Variants in EGFLAM observed in about 807,000 individuals in gnomAD.
EGFLAM encodes the protein EGF like, fibronectin type III and laminin G domains, also known as pikachurin.
In EGFLAM, 79 loss-of-function variants were observed where a neutral mutation model predicts 113.1. The observed-to-expected ratio is 0.70, with a 90% CI of 0.58 to 0.84. The LOEUF is 0.84. Among genes scored for constraint, EGFLAM ranks in the 40% least tolerant of loss-of-function variants. The pLI, the probability that EGFLAM is intolerant of heterozygous loss-of-function variation, is 0.00. For missense variants in EGFLAM, 1,265 were observed against 1,291.6 expected (o/e 0.98, Z 0.32); for synonymous variants, 504 against 487.6 (o/e 1.03, Z -0.44).
intron 6 of EGFLAM, among the ~76,000 whole-genome samples, chr5:38,396,672 C>T (rs963302927): frequency 4.6e-5 from 7 of 152,338 alleles, no homozygotes; most frequent in Middle Eastern, 3.4e-3. Context: ...ACCTCCAGTC[C>T]TGAAGTATTG....
intron 16 of EGFLAM, among the ~76,000 whole-genome samples, chr5:38,436,840 C>A (rs1016952018): frequency 6.6e-6 from 1 of 152,200 alleles, no homozygotes; most frequent in Non-Finnish European, 1.5e-5. Flanking sequence ...GTAGAAGGAT[C>A]CTGGCTACTT....
At chr5:38,394,234 G>GA (rs1305421717) in intron 6 of EGFLAM, among the ~76,000 whole-genome samples, 2 of 151,872 alleles carry the variant, frequency 1.3e-5, no homozygotes, top group African/African-American at 4.8e-5. Flanking sequence ...CATTTGGTTG[G>GA]AAAAACGGGG....
intron 1 of EGFLAM, among the ~76,000 whole-genome samples, chr5:38,305,784 T>C (rs1758703633): frequency 6.6e-6 from 1 of 152,210 alleles, no homozygotes; most frequent in Admixed American, 6.5e-5. Context: ...GAATTTATTA[T>C]GTAGGTTCTG....
At chr5:38,384,309 G>A (rs563476828) in intron 6 of EGFLAM, among the ~76,000 whole-genome samples, 4 of 152,276 alleles carry the variant, frequency 2.6e-5, no homozygotes, top group South Asian at 4.1e-4. Context: ...ACTCTCTGAA[G>A]GTCTTACAGT....
At chr5:38,349,982 C>G (rs1007174889) in intron 3 of EGFLAM, among the ~76,000 whole-genome samples, 6 of 145,478 alleles carry the variant, frequency 4.1e-5, no homozygotes, top group Admixed American at 1.3e-4. Flanking sequence ...CACACACACA[C>G]ACACAGACAG....
chr5:38,422,666 G>A (rs745373461), intron 12 of EGFLAM, among the ~76,000 whole-genome samples: 8 of 152,132 alleles, frequency 5.3e-5, no homozygotes, highest in Non-Finnish European at 8.8e-5. Flanking sequence ...TTAATGGTGG[G>A]TGAAATAACT....
chr5:38,452,133 T>G (rs1020473389), intron 19 of EGFLAM, among the ~76,000 whole-genome samples: 4 of 149,874 alleles, frequency 2.7e-5, no homozygotes, highest in African/African-American at 9.9e-5. Flanking sequence ...GCCTTCTGGG[T>G]TCAAGTGATT....
rs773451519 is a variant in EGFLAM at position 38,350,609 on chromosome 5, T to C, written c.400T>C (p.Leu134=). 2.0e-5 allele frequency: 32 copies of C among 1,613,696 alleles called. No individual in the cohort carries two copies. The highest frequency in any genetic ancestry group is 3.4e-6 in the Non-Finnish European group (4 of 1,179,886). ...RLSSPRHVTT[L]SQDSCLPPAA... ...GAGCTCTCCTCGGCATGTCACCACTTTGTCCCAAGGTAAAGTAGGTTCAAA... is the reference window on the plus strand; with the variant it reads ...GAGCTCTCCTCGGCATGTCACCACTCTGTCCCAAGGTAAAGTAGGTTCAAA... The change falls in exon 4 of 22, where the codon TTG becomes CTG. Residue 134 remains leucine, a synonymous_variant. Coordinates refer to ENST00000322350, the MANE Select transcript of EGFLAM (RefSeq NM_152403.4).
chr5:38,390,670 T>G (rs1561063406), intron 6 of EGFLAM, among the ~76,000 whole-genome samples: 2 of 152,324 alleles, frequency 1.3e-5, no homozygotes, highest in East Asian at 3.9e-4. Context: ...TATCAGACTT[T>G]GAAATACCAA....
chr5:38,303,195 A>G (rs1758637435), intron 1 of EGFLAM, among the ~76,000 whole-genome samples: 1 of 152,194 alleles, frequency 6.6e-6, no homozygotes, highest in Non-Finnish European at 1.5e-5. Context: ...TGTCTCCCCA[A>G]GTCTACTATA....
At chr5:38,436,821 G>A (rs1174815510) in intron 16 of EGFLAM, among the ~76,000 whole-genome samples, 2 of 152,196 alleles carry the variant, frequency 1.3e-5, no homozygotes, top group African/African-American at 4.8e-5. Context: ...AGCCTGAAAG[G>A]GGGAGATTGT....
intron 1 of EGFLAM, among the ~76,000 whole-genome samples, chr5:38,283,537 T>G (rs1393271106): frequency 6.6e-6 from 1 of 152,066 alleles, no homozygotes; most frequent in Admixed American, 6.6e-5. Flanking sequence ...GCTGGCAGGG[T>G]ACAATCTTAG....
Position 38,337,694 on chromosome 5 carries a change from C to T in EGFLAM, c.207+65C>T, listed in dbSNP as rs111871125. The T allele has an allele frequency of 1.5e-4, 207 of 1,337,510 alleles. No homozygotes were observed. The African/African-American group carries it at 2.7e-3, about 17-fold the overall frequency. 82.9% of individuals were successfully genotyped at this position (1,337,510 alleles called of 1,614,324 possible). On this transcript the variant is annotated intron_variant, in intron 2 of 21. Coordinates refer to ENST00000322350, the MANE Select transcript of EGFLAM (RefSeq NM_152403.4). ...CGTGTGACTGTATGTCTTTCTCATC[C>T]TTGCTTTTTCTAGATATCTGTCCTT...
At position 38,427,007 on chromosome 5, in the gene EGFLAM, A is replaced by G. The variant is rs752239376; in HGVS notation, c.1811-2A>G. The G allele has an allele frequency of 6.2e-7, 1 of 1,613,290 alleles. No homozygotes were observed. Among genetic ancestry groups the G allele is most frequent in the Non-Finnish European group, 8.5e-7 (1 of 1,179,726 alleles). On this transcript the variant is annotated splice_acceptor_variant, in intron 13 of 21. Coordinates refer to ENST00000322350, the MANE Select transcript of EGFLAM (RefSeq NM_152403.4). LOFTEE classifies it high-confidence loss of function. ...TTTCTAACACCATGCTTGTTTTTTC[A>G]GCTTTCACCTTGACCATTCCTCAGT...
At chr5:38,390,424 A>C (rs1324492404) in intron 6 of EGFLAM, among the ~76,000 whole-genome samples, 1 of 152,124 alleles carries the variant, frequency 6.6e-6, no homozygotes, top group Non-Finnish European at 1.5e-5. Context: ...AGTTGCTTCA[A>C]ATTTTTTTCA....
intron 1 of EGFLAM, among the ~76,000 whole-genome samples, chr5:38,260,425 A>C (rs1409969078): frequency 6.6e-6 from 1 of 152,234 alleles, no homozygotes; most frequent in Non-Finnish European, 1.5e-5. Flanking sequence ...CTGTTGTATA[A>C]AACTGCTCAT....
chr5:38,413,185 ATTTTTTTTTT>A (rs34326457), intron 11 of EGFLAM, among the ~76,000 whole-genome samples: 3 of 100,882 alleles, frequency 3.0e-5, no homozygotes, highest in Non-Finnish European at 3.8e-5. Context: ...TGCCTGGCTA[ATTTTTTTTTT>A]TTTTTTTTTT....
intron 6 of EGFLAM, among the ~76,000 whole-genome samples, chr5:38,392,421 G>T (rs112125273): frequency 6.6e-6 from 1 of 152,034 alleles, no homozygotes; most frequent in Non-Finnish European, 1.5e-5. Context: ...ATGAACATCC[G>T]CATGTATGTG....
intron 1 of EGFLAM, among the ~76,000 whole-genome samples, chr5:38,308,984 A>T (rs1396675893): frequency 6.6e-6 from 1 of 152,202 alleles, no homozygotes; most frequent in African/African-American, 2.4e-5. Flanking sequence ...TGTACTAGAG[A>T]CAGCTCCTAC....
Sources: allele counts gnomAD v4.1 joint callset (sites outside exome capture counted in the v4.1 genomes callset), GRCh38; gene constraint gnomAD v4.1.1; transcripts MANE v1.5; gene names NCBI Gene and HGNC (gene_info 2026-07-23, HGNC 2026-07-21).